Variants in RNF13 observed in about 807,000 individuals in gnomAD.
RNF13 encodes the protein E3 ubiquitin-protein ligase RNF13.
RNF13 carries 19 observed loss-of-function variants against 37.7 expected under a neutral mutation model. The observed-to-expected ratio is 0.50, with a 90% CI of 0.35 to 0.74. The LOEUF (loss-of-function observed/expected upper bound fraction) is 0.74. Among genes scored for constraint, RNF13 ranks in the 30% least tolerant of loss-of-function variants. RNF13 has a pLI of 0.01. For missense variants in RNF13, 375 were observed against 453.0 expected, an observed-to-expected ratio of 0.83 and a Z score of 1.56; for synonymous variants, 144 against 157.8, an observed-to-expected ratio of 0.91 and a Z score of 0.65.
chr3:149,818,666 A>G (rs1404556545), intron 1 of RNF13, among the ~76,000 whole-genome samples: 1 of 152,144 alleles, frequency 6.6e-6, no homozygotes, highest in East Asian at 1.9e-4. Flanking sequence ...TAATCCCAGC[A>G]CTTTGGGAGG....
At chr3:149,909,221 A>AG (rs1339029991) in intron 6 of RNF13, among the ~76,000 whole-genome samples, 1 of 152,050 alleles carries the variant, frequency 6.6e-6, no homozygotes, top group Non-Finnish European at 1.5e-5. Context: ...AATTTGGTTA[A>AG]GAAAAAAACA....
At chr3:149,898,453 T>C in intron 5 of RNF13, among the ~76,000 whole-genome samples, 1 of 152,212 alleles carries the variant, frequency 6.6e-6, no homozygotes, top group East Asian at 1.9e-4. Context: ...AGTGCAGTAC[T>C]TAAGAGAGTA....
chr3:149,834,836 T>A (rs1199110418), intron 1 of RNF13, among the ~76,000 whole-genome samples: 1 of 152,214 alleles, frequency 6.6e-6, no homozygotes, highest in African/African-American at 2.4e-5. Flanking sequence ...CCTCTTTTCT[T>A]TATAAATTAC....
chr3:149,902,820 G>A (rs1300437966), intron 6 of RNF13, among the ~76,000 whole-genome samples: 1 of 152,088 alleles, frequency 6.6e-6, no homozygotes, highest in Non-Finnish European at 1.5e-5. Flanking sequence ...TTTGGTCTAA[G>A]AGGAACAACA....
intron 8 of RNF13, among the ~76,000 whole-genome samples, chr3:149,940,292 G>A (rs1375885312): frequency 6.6e-6 from 1 of 152,070 alleles, no homozygotes; most frequent in Non-Finnish European, 1.5e-5. Context: ...GGTAGTGCAA[G>A]TTCCCAATAA....
chr3:149,848,937 T>C (rs1559904888), intron 2 of RNF13, among the ~76,000 whole-genome samples: 1 of 152,156 alleles, frequency 6.6e-6, no homozygotes, highest in Non-Finnish European at 1.5e-5. Context: ...TAAACTTTAT[T>C]CCTGGTGCCT....
chr3:149,955,162 A>G (rs1327347101), intron 8 of RNF13, among the ~76,000 whole-genome samples: 4 of 152,140 alleles, frequency 2.6e-5, no homozygotes, highest in Admixed American at 6.5e-5. Flanking sequence ...TTTGAAGATT[A>G]TATGTACAGG....
At chr3:149,939,228 G>A (rs1720007375) in intron 8 of RNF13, 1 of 508,334 alleles carries the variant, frequency 2.0e-6, no homozygotes, top group Non-Finnish European at 3.8e-6. Flanking sequence ...TTTGGCTGGA[G>A]TATCTCGTAT....
chr3:149,875,540 G>A (rs1712582612), intron 4 of RNF13, among the ~76,000 whole-genome samples: 1 of 152,138 alleles, frequency 6.6e-6, no homozygotes, highest in Non-Finnish European at 1.5e-5. Flanking sequence ...CTCAAAGATA[G>A]CCACGAAGGC....
intron 3 of RNF13, among the ~76,000 whole-genome samples, chr3:149,864,873 T>A (rs1227632897): frequency 6.6e-6 from 1 of 152,244 alleles, no homozygotes; most frequent in African/African-American, 2.4e-5. Flanking sequence ...CCTAGCTTTA[T>A]TCTGGACACT....
At chr3:149,927,038 C>T (rs1718724549) in intron 8 of RNF13, among the ~76,000 whole-genome samples, 1 of 152,150 alleles carries the variant, frequency 6.6e-6, no homozygotes, top group Non-Finnish European at 1.5e-5. Context: ...CCATTTTAAT[C>T]ATTTTAAAGT....
At chr3:149,883,625 G>GT (rs1713672999) in intron 4 of RNF13, among the ~76,000 whole-genome samples, 1 of 150,054 alleles carries the variant, frequency 6.7e-6, no homozygotes, top group Non-Finnish European at 1.5e-5. Flanking sequence ...TTCTGGGTCT[G>GT]TTTCTGTTGA....
chr3:149,867,257 C>G (rs1010612913), intron 3 of RNF13, among the ~76,000 whole-genome samples: 73 of 151,846 alleles, frequency 4.8e-4, no homozygotes, highest in African/African-American at 1.8e-3. Context: ...TAGTGACCTT[C>G]CTTGTCTCTT....
intron 4 of RNF13, chr3:149,895,113 G>A (rs1429034015): frequency 6.3e-6 from 1 of 158,372 alleles, no homozygotes; most frequent in Admixed American, 6.5e-5. Flanking sequence ...TCATTTCTGT[G>A]TGTTAGGCAT....
chr3:149,866,109 G>A (rs1258740971), intron 3 of RNF13, among the ~76,000 whole-genome samples: 1 of 151,932 alleles, frequency 6.6e-6, no homozygotes, highest in Admixed American at 6.6e-5. Flanking sequence ...TCATGGCACT[G>A]GTAGTGTTAT....
intron 1 of RNF13, among the ~76,000 whole-genome samples, chr3:149,842,006 T>G (rs1722229448): frequency 6.6e-6 from 1 of 152,174 alleles, no homozygotes; most frequent in South Asian, 2.1e-4. Context: ...ACCAATGCCT[T>G]ACTTCCCCCC....
In RNF13 at chr3:149,961,093, A is replaced by C. The variant is rs377427201; in HGVS notation, c.1135A>C (p.Asn379His). ...PNGERDYNIA[N>H]TV ...TGGTGAACGGGATTACAACATAGCA[A>C]ATACTGTTTGACTTTCAGAAGATGA... Residue 379 changes from asparagine to histidine, a missense_variant, in exon 10 of 10, where the codon AAT (asparagine) becomes CAT (histidine). By Grantham distance (68) the Asn-to-His change is moderately conservative (BLOSUM62 1). Transcript: ENST00000392894. 4 of 1,601,978 alleles carry C rather than the reference A, an allele frequency of 2.5e-6. No individual in the cohort carries two copies. The highest frequency in any genetic ancestry group is 1.3e-5 in the African/African-American group (1 of 74,650).
intron 8 of RNF13, among the ~76,000 whole-genome samples, chr3:149,949,414 G>T (rs1721090763): frequency 6.8e-6 from 1 of 148,030 alleles, no homozygotes; most frequent in Admixed American, 6.7e-5. Flanking sequence ...GAGCTCCTTT[G>T]TATGTACTGG....
chr3:149,931,547 G>T (rs1719164854), intron 8 of RNF13, among the ~76,000 whole-genome samples: 1 of 151,420 alleles, frequency 6.6e-6, no homozygotes, highest in South Asian at 2.1e-4. Context: ...TGCTTTCATT[G>T]CATTTTACAA....
Sources: gnomAD v4.1 joint callset for allele counts (sites outside exome capture counted in the v4.1 genomes callset) on GRCh38, gnomAD v4.1.1 for gene constraint, MANE v1.5 for transcripts, NCBI Gene and HGNC (gene_info 2026-07-23, HGNC 2026-07-21) for gene names.